Variants in DENND5B observed in about 807,000 individuals in gnomAD.
DENND5B encodes the protein DENN domain containing 5B, also known as DENN domain-containing protein 5B.
DENND5B carries 34 observed loss-of-function variants against 140.6 expected under a neutral mutation model. The ratio of observed to expected loss-of-function variants is 0.24; its 90% CI spans 0.18 to 0.32. The LOEUF (loss-of-function observed/expected upper bound fraction) is 0.32, where lower values mean the gene tolerates loss of function less well. Among genes scored for constraint, DENND5B ranks in the 10% least tolerant of loss-of-function variants. The pLI is 1.00. For missense variants in DENND5B, 1,142 were observed against 1,560.2 expected, an observed-to-expected ratio of 0.73 and a Z score of 4.52; for synonymous variants, 551 against 562.1, an observed-to-expected ratio of 0.98 and a Z score of 0.28.
chr12:31,495,074 T>G (rs993836404), intron 2 of DENND5B, among the ~76,000 whole-genome samples: 24 of 152,098 alleles, frequency 1.6e-4, no homozygotes, highest in African/African-American at 5.3e-4. Flanking sequence ...ATTAAGTTGC[T>G]TTTCATCTTT....
chr12:31,511,003 G>A (rs954093619), intron 1 of DENND5B, among the ~76,000 whole-genome samples: 1 of 152,140 alleles, frequency 6.6e-6, no homozygotes, highest in African/African-American at 2.4e-5. Context: ...GGTCAAGGCG[G>A]GGGAAATAAC....
At chr12:31,517,863 A>G (rs955159988) in intron 1 of DENND5B, among the ~76,000 whole-genome samples, 1 of 152,188 alleles carries the variant, frequency 6.6e-6, no homozygotes, top group Admixed American at 6.5e-5. Context: ...ATCAAACACT[A>G]TGAAGTTTAT....
chr12:31,482,692 C>T (rs1286335828), intron 2 of DENND5B, among the ~76,000 whole-genome samples: 1 of 152,136 alleles, frequency 6.6e-6, no homozygotes, highest in Non-Finnish European at 1.5e-5. Context: ...AATCCTCCCG[C>T]CTCAGCCTCC....
intron 5 of DENND5B, among the ~76,000 whole-genome samples, chr12:31,449,729 T>A (rs1030816309): frequency 1.5e-5 from 1 of 67,270 alleles, no homozygotes; most frequent in Non-Finnish European, 3.1e-5. Flanking sequence ...ATACACAGAT[T>A]AGTTTTTTTT....
At chr12:31,529,329 A>C (rs1467736765) in intron 1 of DENND5B, among the ~76,000 whole-genome samples, 2 of 152,194 alleles carry the variant, frequency 1.3e-5, no homozygotes, top group Admixed American at 6.6e-5. Context: ...TGGACCCAGC[A>C]GTTCTCTAAG....
At chr12:31,432,171 T>C in intron 8 of DENND5B, 1 of 971,272 alleles carries the variant, frequency 1.0e-6, no homozygotes, top group Non-Finnish European at 1.2e-6. Context: ...GATGGAGAAA[T>C]GCCAATGACA....
chr12:31,443,230 CA>C (rs2137993138), intron 6 of DENND5B, among the ~76,000 whole-genome samples: 1 of 152,320 alleles, frequency 6.6e-6, no homozygotes, highest in South Asian at 2.1e-4. Flanking sequence ...CATGTACCAC[CA>C]GTTCCAGCTA....
intron 4 of DENND5B, among the ~76,000 whole-genome samples, chr12:31,453,896 C>T (rs538794964): frequency 2.0e-5 from 3 of 152,168 alleles, no homozygotes; most frequent in South Asian, 2.1e-4. Context: ...AATTCCAGCA[C>T]TTTGGGAGGC....
At chr12:31,421,724 T>A (rs144769674) in intron 11 of DENND5B, among the ~76,000 whole-genome samples, 354 of 152,030 alleles carry the variant, frequency 2.3e-3, no homozygotes, top group African/African-American at 7.3e-3. Flanking sequence ...TAATTTTTTT[T>A]AATTTTTAGT....
chr12:31,541,751 C>T (rs1286461923), intron 1 of DENND5B, among the ~76,000 whole-genome samples: 3 of 152,134 alleles, frequency 2.0e-5, no homozygotes, highest in East Asian at 1.9e-4. Context: ...TGCACTTCCA[C>T]GTTTATTACA....
rs560127911 is a variant in DENND5B, at chr12:31,385,952, A to C, written c.*1651T>G. ...CGGCCTCCCAAAGTGCTGGGATCAT[A>C]GGCGTGAGCCACCGCACCCGGCTCC... On this transcript the variant is annotated 3_prime_UTR_variant, in exon 21 of 21. Transcript: ENST00000389082. 6.6e-6 allele frequency: 1 copy of C among 152,474 alleles called. No individual in the cohort carries two copies. The highest frequency in any genetic ancestry group is 2.1e-4 in the South Asian group (1 of 4,828). The allele number at this position is 152,474 out of a possible 1,614,324, so 9.4% of individuals were successfully genotyped here. A position where few individuals can be genotyped will look rare whatever the true frequency, so the allele number is the denominator to read the frequency against.
Position 31,440,680 on chromosome 12 carries a change from A to T in DENND5B, c.2012+2095T>A, listed in dbSNP as rs371999442. ...ACGAAGGGTTTTTTGTTTTTTTGAA[A>T]GAGGGTCTTTGCAAGGTTGACCAGG... On this transcript the variant is annotated intron_variant, in intron 7 of 20. Coordinates refer to ENST00000389082, the MANE Select transcript of DENND5B (RefSeq NM_144973.4). 7.0e-4 allele frequency among the ~76,000 whole-genome samples: 106 copies of T among 152,258 alleles called. 1 individual carries two copies. The South Asian group carries it at 0.021, about 30-fold the overall frequency.
intron 1 of DENND5B, among the ~76,000 whole-genome samples, chr12:31,507,720 C>T (rs911031714): frequency 7.9e-5 from 12 of 152,174 alleles, no homozygotes; most frequent in African/African-American, 1.4e-4. Flanking sequence ...AAATGTCATG[C>T]GCTTGCCAGT....
Position 31,433,140 on chromosome 12 carries a change from A to G in DENND5B, c.2106+15T>C. The stretch of plus-strand genomic sequence containing the variant: ...GCGCTTGCTGTGAGGCACCCCAGGA[A>G]GGTAGACCACATACCTCCCTCAAGT... On this transcript the variant is annotated intron_variant, in intron 8 of 20. Coordinates refer to ENST00000389082, the MANE Select transcript of DENND5B (RefSeq NM_144973.4). The G allele has an allele frequency of 6.2e-7, 1 of 1,613,340 alleles. No homozygotes were observed. Among genetic ancestry groups the G allele is most frequent in the Non-Finnish European group, 8.5e-7 (1 of 1,179,348 alleles).
intron 13 of DENND5B, among the ~76,000 whole-genome samples, chr12:31,410,608 T>C (rs1355627175): frequency 1.3e-5 from 2 of 152,104 alleles, no homozygotes; most frequent in Non-Finnish European, 2.9e-5. Flanking sequence ...TCTCACTATA[T>C]TGCCCAGGCT....
chr12:31,442,869 G>C lies in DENND5B; in HGVS notation c.1918C>G (p.Leu640Val). Residue 640 changes from leucine (L) to valine (V), a missense_variant, in exon 7 of 21, where the codon CTA becomes GTA. Transcript: ENST00000389082. ...KMDHTAIHPH[L>V]LDMKIGQGKY... The stretch of plus-strand genomic sequence containing the variant: ...CCTTGACCAATTTTCATATCAAGTA[G>C]ATGTGGGTGGATTGCAGTGTGATCC... The C allele has an allele frequency of 6.2e-7, 1 of 1,609,582 alleles. No homozygotes were observed. Among genetic ancestry groups the C allele is most frequent in the Non-Finnish European group, 8.5e-7 (1 of 1,177,830 alleles).
intron 17 of DENND5B, among the ~76,000 whole-genome samples, chr12:31,397,190 T>A (rs1177914333): frequency 1.3e-5 from 2 of 152,078 alleles, no homozygotes; most frequent in Non-Finnish European, 2.9e-5. Flanking sequence ...AGTATTTTGT[T>A]TCATCCTTAC....
At chr12:31,555,318 A>G (rs1949238210) in intron 1 of DENND5B, among the ~76,000 whole-genome samples, 1 of 152,024 alleles carries the variant, frequency 6.6e-6, no homozygotes, top group Non-Finnish European at 1.5e-5. Flanking sequence ...CTGGAGGTCC[A>G]CTCCAGACCC....
At chr12:31,390,528 A>C (rs541923059) in intron 19 of DENND5B, among the ~76,000 whole-genome samples, 1 of 152,148 alleles carries the variant, frequency 6.6e-6, no homozygotes, top group African/African-American at 2.4e-5. Flanking sequence ...AATCCCAGCT[A>C]CTCAGGCTGA....
Sources: gnomAD v4.1 joint callset for allele counts (sites outside exome capture counted in the v4.1 genomes callset) on GRCh38, gnomAD v4.1.1 for gene constraint, MANE v1.5 for transcripts, NCBI Gene and HGNC (gene_info 2026-07-23, HGNC 2026-07-21) for gene names.